Variants in SNX18 observed in about 807,000 individuals in gnomAD.
SNX18 encodes sorting nexin-18.
In SNX18, 35 loss-of-function variants were observed where a neutral mutation model predicts 48.7. The ratio of observed to expected loss-of-function variants is 0.72; its 90% CI spans 0.55 to 0.95. SNX18 has a LOEUF of 0.95. SNX18 is among the 40% of genes least tolerant of loss of function. The pLI is 0.00. For missense variants in SNX18, 824 were observed against 871.0 expected, an observed-to-expected ratio of 0.95 and a Z score of 0.68; for synonymous variants, 492 against 384.7, an observed-to-expected ratio of 1.28 and a Z score of -3.26.
At chr5:54,636,180 G>A in the SNX18 span, among the ~76,000 whole-genome samples, 20 of 152,280 alleles carry the variant, frequency 1.3e-4, no homozygotes, top group African/African-American at 3.6e-4. Context: ...AGCTTTCCAT[G>A]ATGCTCAGTC....
the SNX18 span, among the ~76,000 whole-genome samples, chr5:54,554,794 T>A: frequency 6.6e-6 from 1 of 152,196 alleles, no homozygotes; most frequent in African/African-American, 2.4e-5. Context: ...GGCAAGACTT[T>A]CTGAGGAGCA....
At chr5:54,610,170 G>A in the SNX18 span, among the ~76,000 whole-genome samples, 12 of 152,112 alleles carry the variant, frequency 7.9e-5, no homozygotes, top group East Asian at 2.1e-3. Flanking sequence ...CCCAGTCTCA[G>A]GTATTTCCTT....
chr5:54,533,028 G>C (rs28670637), intron 1 of SNX18, among the ~76,000 whole-genome samples: 2 of 152,102 alleles, frequency 1.3e-5, no homozygotes. Context: ...ACCTGAAACA[G>C]ACTAATGATA....
the SNX18 span, among the ~76,000 whole-genome samples, chr5:54,615,374 C>A: frequency 1.3e-5 from 2 of 152,166 alleles, no homozygotes. Flanking sequence ...TGTGCCCCTA[C>A]TGCTTCCCTT....
At chr5:54,609,250 T>C in the SNX18 span, among the ~76,000 whole-genome samples, 2 of 152,196 alleles carry the variant, frequency 1.3e-5, no homozygotes, top group African/African-American at 4.8e-5. Flanking sequence ...TTAATTTTAA[T>C]TAATTTAGAA....
rs1762501402 is a variant in SNX18, at chr5:54,543,044, C to T, written c.1622-135C>T. On this transcript the variant is annotated intron_variant, in intron 1 of 1. Transcript: ENST00000381410. ...TTTTAAAATGAGTAATTATGGTCCT[C>T]ACTTTAAATTTCAAAGGTATTGAAA... The T allele has an allele frequency of 1.7e-5, 14 of 802,408 alleles. No individual in the cohort carries two copies. In the South Asian group the frequency reaches 3.2e-4, roughly 18 times the overall value. The allele number at this position is 802,408 out of a possible 1,614,324, so 49.7% of individuals were successfully genotyped here. A position where few individuals can be genotyped will look rare whatever the true frequency, so the allele number is the denominator to read the frequency against.
the SNX18 span, among the ~76,000 whole-genome samples, chr5:54,637,985 T>TGGAG: frequency 2.5e-4 from 26 of 104,306 alleles, no homozygotes; most frequent in Non-Finnish European, 4.7e-4. Flanking sequence ...ACTGCTGGAC[T>TGGAG]GGAGAGAGAG....
chr5:54,588,646 A>T, the SNX18 span, among the ~76,000 whole-genome samples: 2 of 152,186 alleles, frequency 1.3e-5, no homozygotes, highest in African/African-American at 4.8e-5. Context: ...GTTCTTAAAT[A>T]ACCACAATCA....
the SNX18 span, among the ~76,000 whole-genome samples, chr5:54,607,731 G>A: frequency 1.3e-5 from 2 of 152,052 alleles, no homozygotes; most frequent in African/African-American, 4.8e-5. Flanking sequence ...TCGGGAGTTC[G>A]CGACCAGCCT....
At chr5:54,635,271 A>G in the SNX18 span, among the ~76,000 whole-genome samples, 1 of 151,566 alleles carries the variant, frequency 6.6e-6, no homozygotes, top group African/African-American at 2.4e-5. Flanking sequence ...TTATAATACT[A>G]TATATCGTTT....
the SNX18 span, among the ~76,000 whole-genome samples, chr5:54,564,755 G>A: frequency 7.9e-5 from 12 of 152,188 alleles, no homozygotes; most frequent in African/African-American, 2.9e-4. Flanking sequence ...CTACTTGGGA[G>A]GCTGAGGCAG....
the SNX18 span, among the ~76,000 whole-genome samples, chr5:54,641,201 G>GC: frequency 6.6e-6 from 1 of 152,158 alleles, no homozygotes; most frequent in African/African-American, 2.4e-5. Flanking sequence ...CCAGAACAAT[G>GC]CAAGACAATC....
the SNX18 span, among the ~76,000 whole-genome samples, chr5:54,564,318 T>C: frequency 6.6e-6 from 1 of 152,166 alleles, no homozygotes; most frequent in African/African-American, 2.4e-5. Flanking sequence ...AAAGGGTTTA[T>C]TGATTCCATA....
At chr5:54,553,063 T>G in the SNX18 span, among the ~76,000 whole-genome samples, 52 of 118,280 alleles carry the variant, frequency 4.4e-4, no homozygotes, top group South Asian at 9.2e-4. Flanking sequence ...GGGAGAAGGG[T>G]GGGAGGGGAT....
the SNX18 span, among the ~76,000 whole-genome samples, chr5:54,633,652 A>G: frequency 6.6e-6 from 1 of 152,258 alleles, no homozygotes. Flanking sequence ...TAATGCATTT[A>G]CAAGTGCTGT....
the SNX18 span, among the ~76,000 whole-genome samples, chr5:54,640,401 TA>T: frequency 0.72 from 105,242 of 147,038 alleles, 37,767 homozygotes; most frequent in African/African-American, 0.84. Flanking sequence ...TTCTTTTTTT[TA>T]AAAAAAAGAT....
the SNX18 span, among the ~76,000 whole-genome samples, chr5:54,635,232 A>G: frequency 6.6e-6 from 1 of 151,438 alleles, no homozygotes; most frequent in African/African-American, 2.4e-5. Flanking sequence ...GCTTATTATA[A>G]TCATAAGCCT....
intron 1 of SNX18, among the ~76,000 whole-genome samples, chr5:54,531,857 G>A (rs1215778640): frequency 2.0e-5 from 3 of 152,252 alleles, no homozygotes; most frequent in South Asian, 2.1e-4. Context: ...CTCACCAGTC[G>A]GTACCACCGT....
the SNX18 span, among the ~76,000 whole-genome samples, chr5:54,582,435 T>G: frequency 6.6e-6 from 1 of 152,206 alleles, no homozygotes; most frequent in East Asian, 1.9e-4. Flanking sequence ...TTTTTAATGT[T>G]GTGTTTATAT....
Sources: allele counts gnomAD v4.1 joint callset (sites outside exome capture counted in the v4.1 genomes callset), GRCh38; gene constraint gnomAD v4.1.1; transcripts MANE v1.5; gene names NCBI Gene and HGNC (gene_info 2026-07-23, HGNC 2026-07-21).